The following DLGAP2 variants were observed in gnomAD, a reference collection of about 807,000 sequenced individuals.
DLGAP2 encodes disks large-associated protein 2.
A neutral mutation model predicts 100.3 loss-of-function variants in DLGAP2; 26 were observed. The observed-to-expected ratio is 0.26, with a 90% CI of 0.19 to 0.36. The LOEUF is 0.36. Ranked by LOEUF, DLGAP2 falls within the 10% of genes least tolerant of loss-of-function variation. DLGAP2 has a pLI of 1.00. For synonymous variants in DLGAP2, 886 were observed against 630.1 expected, an observed-to-expected ratio of 1.41 and a Z score of -6.08; for missense variants, 1,858 against 1,453.2, an observed-to-expected ratio of 1.28 and a Z score of -4.53.
At chr8:1,268,540 T>C (rs1799513781) in intron 3 of DLGAP2, among the ~76,000 whole-genome samples, 1 of 152,172 alleles carries the variant, frequency 6.6e-6, no homozygotes, top group Non-Finnish European at 1.5e-5. Context: ...AATGAGAACA[T>C]CATTCGTGCC....
chr8:1,240,130 G>T (rs1798753747), intron 2 of DLGAP2, among the ~76,000 whole-genome samples: 1 of 144,560 alleles, frequency 6.9e-6, no homozygotes, highest in Non-Finnish European at 1.5e-5. Flanking sequence ...CTCTCACATG[G>T]TGCCATGTGT....
intron 1 of DLGAP2, among the ~76,000 whole-genome samples, chr8:795,278 C>G (rs1449532061): frequency 6.6e-6 from 1 of 152,190 alleles, no homozygotes; most frequent in Non-Finnish European, 1.5e-5. Flanking sequence ...TGCTTAGACA[C>G]CTGATTTAAT....
intron 3 of DLGAP2, among the ~76,000 whole-genome samples, chr8:1,328,521 G>T (rs1214410912): frequency 3.4e-5 from 5 of 148,010 alleles, no homozygotes; most frequent in African/African-American, 1.3e-4. Context: ...TTTGTTTTTT[G>T]GTTTTTTTTA....
intron 3 of DLGAP2, among the ~76,000 whole-genome samples, chr8:1,343,552 A>G (rs1030861797): frequency 6.6e-6 from 1 of 152,228 alleles, no homozygotes; most frequent in African/African-American, 2.4e-5. Flanking sequence ...CCCAAAGGCC[A>G]ACAGGTTACC....
intron 1 of DLGAP2, among the ~76,000 whole-genome samples, chr8:840,885 A>C (rs989991245): frequency 2.6e-5 from 4 of 152,210 alleles, no homozygotes; most frequent in African/African-American, 7.2e-5. Context: ...AGCTGGATCC[A>C]GAGACTGGAT....
At chr8:1,524,262 C>G (rs534773023) in intron 4 of DLGAP2, among the ~76,000 whole-genome samples, 1 of 152,158 alleles carries the variant, frequency 6.6e-6, no homozygotes, top group African/African-American at 2.4e-5. Flanking sequence ...TCCTTGCTGT[C>G]TGTTGTCCAC....
intron 3 of DLGAP2, chr8:1,368,742 T>C (rs1159165871): frequency 1.3e-5 from 2 of 152,230 alleles, no homozygotes; most frequent in Non-Finnish European, 2.9e-5. Flanking sequence ...AATAATTCAT[T>C]ATCTGCTGAC....
At chr8:898,482 C>G (rs976128940) in intron 1 of DLGAP2, among the ~76,000 whole-genome samples, 2 of 152,210 alleles carry the variant, frequency 1.3e-5, no homozygotes, top group African/African-American at 4.8e-5. Context: ...CATCCAAAGC[C>G]CATGCAGCGT....
At chr8:1,603,300 G>C in intron 6 of DLGAP2, among the ~76,000 whole-genome samples, 1 of 150,620 alleles carries the variant, frequency 6.6e-6, no homozygotes, top group Non-Finnish European at 1.5e-5. Context: ...TTAGAGTGGA[G>C]GATGGGTCTC....
chr8:1,610,287 T>C (rs1796952864), intron 6 of DLGAP2, among the ~76,000 whole-genome samples: 1 of 152,146 alleles, frequency 6.6e-6, no homozygotes, highest in Non-Finnish European at 1.5e-5. Context: ...CCTGAATGAC[T>C]ACTGGGTACA....
intron 2 of DLGAP2, among the ~76,000 whole-genome samples, chr8:1,027,788 TCCAGG>T: frequency 3.8e-5 from 5 of 130,360 alleles, no homozygotes; most frequent in African/African-American, 1.2e-4. Context: ...CCCGTTATTC[TCCAGG>T]TCGGGTGTCA....
chr8:1,559,497 G>C (rs189788730), intron 5 of DLGAP2, among the ~76,000 whole-genome samples: 1 of 152,130 alleles, frequency 6.6e-6, no homozygotes, highest in African/African-American at 2.4e-5. Context: ...ATTGACTCTG[G>C]TTGACATTCT....
chr8:1,236,303 C>A (rs1220214732), intron 2 of DLGAP2, among the ~76,000 whole-genome samples: 596 of 55,074 alleles, frequency 0.011, no homozygotes, highest in South Asian at 0.016. Flanking sequence ...GTGTCTAGTT[C>A]TCTCACATGG....
chr8:1,681,959 C>G (rs914646058), intron 12 of DLGAP2, among the ~76,000 whole-genome samples: 1 of 139,414 alleles, frequency 7.2e-6, no homozygotes, highest in African/African-American at 3.4e-5. Flanking sequence ...CAGCAGTGAT[C>G]TGGGACTGGG....
intron 8 of DLGAP2, among the ~76,000 whole-genome samples, chr8:1,638,905 A>G (rs1198316852): frequency 6.6e-6 from 1 of 152,226 alleles, no homozygotes; most frequent in African/African-American, 2.4e-5. Flanking sequence ...CTGCTGAAGC[A>G]ACAGGATGGA....
intron 1 of DLGAP2, among the ~76,000 whole-genome samples, chr8:892,030 C>T (rs1044630847): frequency 1.3e-5 from 2 of 152,308 alleles, no homozygotes; most frequent in Non-Finnish European, 2.9e-5. Flanking sequence ...CTTAGGATGG[C>T]CACTGTCAAA....
chr8:1,172,027 G>A (rs1459889187), intron 2 of DLGAP2, among the ~76,000 whole-genome samples: 2 of 152,102 alleles, frequency 1.3e-5, no homozygotes, highest in Admixed American at 1.3e-4. Flanking sequence ...GGTACTGGTT[G>A]TTCCTTTTCA....
chr8:933,452 G>T (rs1185726810), intron 2 of DLGAP2, among the ~76,000 whole-genome samples: 2 of 151,146 alleles, frequency 1.3e-5, no homozygotes, highest in Non-Finnish European at 2.9e-5. Flanking sequence ...CACGAGGGGA[G>T]GGTGAGGGCA....
chr8:948,644 G>A (rs1799394468), intron 2 of DLGAP2, among the ~76,000 whole-genome samples: 1 of 152,256 alleles, frequency 6.6e-6, no homozygotes, highest in Non-Finnish European at 1.5e-5. Context: ...CTCAGAGCCA[G>A]GCCGGGGTTG....
Sources: allele counts gnomAD v4.1 joint callset (sites outside exome capture counted in the v4.1 genomes callset), GRCh38; gene constraint gnomAD v4.1.1; transcripts MANE v1.5; gene names NCBI Gene and HGNC (gene_info 2026-07-23, HGNC 2026-07-21).